The following TRPV4 variants were observed in gnomAD, a reference collection of about 807,000 sequenced individuals.
TRPV4 encodes the protein transient receptor potential cation channel subfamily V member 4.
Under a neutral mutation model 84.1 loss-of-function variants are expected in TRPV4, and 58 were observed. The ratio of observed to expected loss-of-function variants is 0.69; its 90% CI spans 0.56 to 0.86. The LOEUF is 0.86. Among genes scored for constraint, TRPV4 ranks in the 40% least tolerant of loss-of-function variants. The pLI, the probability that TRPV4 is intolerant of heterozygous loss-of-function variation, is 0.00. For missense variants in TRPV4, 879 were observed against 1,181.1 expected, an observed-to-expected ratio of 0.74 and a Z score of 3.75; for synonymous variants, 489 against 500.9, an observed-to-expected ratio of 0.98 and a Z score of 0.32.
chr12:109,820,349 G>A (rs1421405035), intron 1 of TRPV4, among the ~76,000 whole-genome samples: 1 of 151,962 alleles, frequency 6.6e-6, no homozygotes. Context: ...AGAGACCCCA[G>A]GCTTTCCAGA....
At chr12:109,795,199 T>C (rs1299289733) in intron 7 of TRPV4, among the ~76,000 whole-genome samples, 1 of 152,194 alleles carries the variant, frequency 6.6e-6, no homozygotes, top group African/African-American at 2.4e-5. Context: ...TGATAAATGA[T>C]TGACTCACCA....
intron 3 of TRPV4, among the ~76,000 whole-genome samples, chr12:109,805,562 T>TG (rs1278345326): frequency 6.6e-6 from 1 of 151,142 alleles, no homozygotes; most frequent in Non-Finnish European, 1.5e-5. Context: ...GGAGGGGAGG[T>TG]GGGGGCACAG....
At chr12:109,784,243 A>T in intron 15 of TRPV4, 73 bp downstream of exon 15, 1 of 1,607,744 alleles carries the variant, frequency 6.2e-7, no homozygotes, top group East Asian at 2.2e-5. Context: ...CCCGGAAAGA[A>T]GCAGGACTGC....
At chr12:109,806,405 A>G (rs1356954601) in intron 3 of TRPV4, among the ~76,000 whole-genome samples, 1 of 139,160 alleles carries the variant, frequency 7.2e-6, no homozygotes, top group Non-Finnish European at 1.5e-5. Flanking sequence ...GGTTTTTACC[A>G]TGTTGGCAAG....
At chr12:109,821,004 C>T (rs752215092) in intron 1 of TRPV4, among the ~76,000 whole-genome samples, 4 of 152,212 alleles carry the variant, frequency 2.6e-5, no homozygotes, top group East Asian at 1.9e-4. Context: ...CCCCAACTTG[C>T]GGAGGGTGGA....
intron 3 of TRPV4, among the ~76,000 whole-genome samples, chr12:109,804,293 A>G (rs1565875869): frequency 6.6e-6 from 1 of 152,136 alleles, no homozygotes; most frequent in East Asian, 1.9e-4. Flanking sequence ...CCTGTGAATC[A>G]AGGACAGGGC....
At position 109,800,685 on chromosome 12, in the gene TRPV4, A is replaced by G; in HGVS notation, c.786T>C (p.Ala262=). 4.3e-6 allele frequency: 7 copies of G among 1,614,116 alleles called. No individual in the cohort carries two copies. The highest frequency in any genetic ancestry group is 5.9e-6 in the Non-Finnish European group (7 of 1,180,022). The change falls in exon 5 of 16, where the codon GCT becomes GCC. Residue 262 remains alanine (A), a synonymous_variant. Transcript: ENST00000261740. ...HYVELLVAQG[A]DVHAQARGRF... is the part of the protein sequence containing the mutation. ...GCCCACGGGCCTGGGCGTGGACATC[A>G]GCTCCCTGGGCCACGAGAAGTTCCA...
chr12:109,803,252 A>C lies in TRPV4; in HGVS notation c.560-109T>G, dbSNP rs772971561. The C allele has an allele frequency of 4.2e-4, 550 of 1,301,064 alleles. 1 individual carries two copies. The highest frequency in any genetic ancestry group is 5.6e-4 in the Non-Finnish European group (516 of 928,498). The allele number at this position is 1,301,064 out of a possible 1,614,324, so 80.6% of individuals were successfully genotyped here. Reference sequence around the variant, plus strand: ...AGGGGGTCAGATGTCCTGGCTGTCAACATCTCCTCTCCAAGCCTGTTTCCT... The same window carrying C: ...AGGGGGTCAGATGTCCTGGCTGTCACCATCTCCTCTCCAAGCCTGTTTCCT... On this transcript the variant is annotated intron_variant, in intron 3 of 15. Transcript: ENST00000261740.
At chr12:109,816,480 A>G (rs1003237887) in intron 1 of TRPV4, among the ~76,000 whole-genome samples, 2 of 152,144 alleles carry the variant, frequency 1.3e-5, no homozygotes, top group Admixed American at 6.5e-5. Flanking sequence ...CACTTCTGGG[A>G]TTAAAGTGGG....
chr12:109,818,101 C>T (rs1481777353), intron 1 of TRPV4, among the ~76,000 whole-genome samples: 2 of 151,190 alleles, frequency 1.3e-5, no homozygotes, highest in Non-Finnish European at 1.5e-5. Flanking sequence ...GACTGAAATG[C>T]GGGCAGCTGG....
rs552658631 is a variant in TRPV4, at chr12:109,809,522, T to G, written c.387-1054A>C. Among the ~76,000 whole-genome samples the G allele has an allele frequency of 1.4e-3, 201 of 147,576 alleles. 1 individual carries two copies. The highest frequency in any genetic ancestry group is 4.6e-3 in the African/African-American group (181 of 39,512). On this transcript the variant is annotated intron_variant, in intron 2 of 15. Transcript: ENST00000261740. ...ACTCACTCCTCCATCTGTCCACCCA[T>G]CCATCCACTACTCATCCATCCATCC...
intron 2 of TRPV4, among the ~76,000 whole-genome samples, chr12:109,811,138 TCAACTCCTCCAAGAAGCCCTCCTGG>T (rs1189465261): frequency 6.6e-5 from 10 of 152,292 alleles, no homozygotes; most frequent in Non-Finnish European, 1.3e-4. Context: ...GGCTTAAATG[TCAACTCCTCCAAGAAGCCCTCCTGG>T]ATTACCTTTC....
intron 1 of TRPV4, among the ~76,000 whole-genome samples, chr12:109,832,071 C>T (rs946758451): frequency 6.6e-6 from 1 of 152,210 alleles, no homozygotes; most frequent in Non-Finnish European, 1.5e-5. Flanking sequence ...GGAAGGTCAT[C>T]GGTCCTCACG....
chr12:109,827,765 CACACATATAT>C (rs1565889829), intron 1 of TRPV4, among the ~76,000 whole-genome samples: 1 of 144,840 alleles, frequency 6.9e-6, no homozygotes, highest in African/African-American at 2.4e-5. Context: ...TACACACATA[CACACATATAT>C]ACACAAACAT....
rs150784920 is a variant in TRPV4 at position 109,786,364 on chromosome 12, C to T, written c.2336+346G>A. Among the ~76,000 whole-genome samples the T allele has an allele frequency of 1.3e-5, 2 of 152,272 alleles. No individual in the cohort carries two copies. Among genetic ancestry groups the T allele is most frequent in the African/African-American group, 4.8e-5 (2 of 41,560 alleles). On this transcript the variant is annotated intron_variant, in intron 14 of 15. Transcript: ENST00000261740. The surrounding 1 kb of genome is among the most constrained non-coding windows in gnomAD (Gnocchi z 4.5). ...GGGTGATGCTCTAAAATGAACCCAC[C>T]ATCCAAGTCTCTGCTTCCCCCTGAG... is the stretch of plus-strand genomic sequence containing the variant.
In TRPV4 at chr12:109,786,927, G is replaced by A. The variant is rs929209921; in HGVS notation, c.2209-90C>T. 22 of 1,580,860 alleles carry A rather than the reference G, an allele frequency of 1.4e-5. No individual in the cohort carries two copies. Among genetic ancestry groups the A allele is most frequent in the Admixed American group, 1.4e-4 (8 of 57,992 alleles). On this transcript the variant is annotated intron_variant, in intron 13 of 15. Coordinates refer to ENST00000261740, the MANE Select transcript of TRPV4 (RefSeq NM_021625.5). This position sits in a 1 kb window ranked among gnomAD's most constrained non-coding sequence, Gnocchi z 4.5. ...GGCAGAAATGAGACAACGGGCCAGG[G>A]TGGGCCCAGAACTAGGCATTTAGAC...
chr12:109,805,283 G>T (rs550669632), intron 3 of TRPV4, among the ~76,000 whole-genome samples: 13 of 152,310 alleles, frequency 8.5e-5, no homozygotes, highest in African/African-American at 2.9e-4. Flanking sequence ...GGCGAGAGCT[G>T]GGCACCCCAG....
At chr12:109,787,664 G>C (rs1250195113) in intron 13 of TRPV4, among the ~76,000 whole-genome samples, 2 of 152,188 alleles carry the variant, frequency 1.3e-5, no homozygotes, top group Admixed American at 1.3e-4. Context: ...TAAAGGTTAA[G>C]AGCAGGCCAG....
At chr12:109,790,093 G>C (rs1889935779) in intron 12 of TRPV4, among the ~76,000 whole-genome samples, 1 of 152,226 alleles carries the variant, frequency 6.6e-6, no homozygotes, top group Non-Finnish European at 1.5e-5. Context: ...TGTCTAGTTT[G>C]TCCAGTGTGA....
Sources: gnomAD v4.1 joint callset for allele counts (sites outside exome capture counted in the v4.1 genomes callset) on GRCh38, gnomAD v4.1.1 for gene constraint, Gnocchi (gnomAD v3.1) non-coding constraint, MANE v1.5 for transcripts, NCBI Gene and HGNC (gene_info 2026-07-23, HGNC 2026-07-21) for gene names.